Variants in ASTN2 observed in about 807,000 individuals in gnomAD.
The protein encoded by ASTN2 is astrotactin-2.
A neutral mutation model predicts 139.8 loss-of-function variants in ASTN2; 54 were observed. That is an observed-to-expected ratio of 0.39 (90% CI 0.31 to 0.48). ASTN2 has a LOEUF of 0.48. ASTN2 is among the 20% of genes least tolerant of loss of function. ASTN2 has a pLI of 0.95. For synonymous variants in ASTN2, 756 were observed against 719.5 expected (o/e 1.05, Z -0.81); for missense variants, 1,565 against 1,725.1 (o/e 0.91, Z 1.64).
chr9:117,080,657 T>C (rs891490589), intron 5 of ASTN2, among the ~76,000 whole-genome samples: 8 of 152,156 alleles, frequency 5.3e-5, no homozygotes, highest in Non-Finnish European at 8.8e-5. Flanking sequence ...TTTACATTGG[T>C]TGAAGAAAAG....
intron 1 of ASTN2, among the ~76,000 whole-genome samples, chr9:117,373,182 G>A (rs1328886142): frequency 6.6e-6 from 1 of 152,176 alleles, no homozygotes; most frequent in Non-Finnish European, 1.5e-5. Context: ...AAAAGTCAGT[G>A]TTAATTATTC....
At chr9:116,748,782 G>A (rs374225655) in intron 13 of ASTN2, among the ~76,000 whole-genome samples, 10 of 152,196 alleles carry the variant, frequency 6.6e-5, no homozygotes, top group African/African-American at 2.4e-4. Flanking sequence ...GGATGTCCAA[G>A]TTTTACGAAG....
At chr9:116,546,966 C>A (rs111337039) in intron 19 of ASTN2, among the ~76,000 whole-genome samples, 2 of 152,160 alleles carry the variant, frequency 1.3e-5, no homozygotes, top group African/African-American at 2.4e-5. Context: ...TCTGCAGGCA[C>A]GCCGGCTGGA....
chr9:117,057,493 T>A lies in ASTN2; in HGVS notation c.1277-17528A>T, dbSNP rs542158408. Among the ~76,000 whole-genome samples, 3 of 152,268 alleles carry A rather than the reference T, an allele frequency of 2.0e-5. No homozygotes were observed. In the East Asian group the frequency reaches 5.8e-4, roughly 29 times the overall value. On this transcript the variant is annotated intron_variant, in intron 5 of 22. Coordinates refer to ENST00000313400, the MANE Select transcript of ASTN2 (RefSeq NM_001365068.1). Reference sequence around the variant, plus strand: ...ATAATAGTAACAACATTAGCACAAATTTATTTGTAAAATGCCCACACCTGA... The same window carrying A: ...ATAATAGTAACAACATTAGCACAAAATTATTTGTAAAATGCCCACACCTGA...
chr9:116,879,068 G>C (rs1833381804), intron 10 of ASTN2, among the ~76,000 whole-genome samples: 1 of 152,024 alleles, frequency 6.6e-6, no homozygotes, highest in Non-Finnish European at 1.5e-5. Flanking sequence ...ACAGTAAATG[G>C]GGCTGTGACC....
chr9:116,909,004 G>A (rs1834241518), intron 10 of ASTN2, among the ~76,000 whole-genome samples: 1 of 152,130 alleles, frequency 6.6e-6, no homozygotes, highest in Non-Finnish European at 1.5e-5. Flanking sequence ...TGGGATGGTG[G>A]TAGGAACTGG....
rs547116647 is a variant in ASTN2 at position 116,681,231 on chromosome 9, C to T, written c.2807-29438G>A. Among the ~76,000 whole-genome samples the T allele has an allele frequency of 3.3e-5, 5 of 152,280 alleles. No individual in the cohort carries two copies. In the East Asian group the frequency reaches 7.7e-4, roughly 24 times the overall value. ...CACAAGCATTCTTATATACCAATAA[C>T]AGACAAACGGAGAGCCAAATCATAA... On this transcript the variant is annotated intron_variant, in intron 16 of 22. Coordinates refer to ENST00000313400, the MANE Select transcript of ASTN2 (RefSeq NM_001365068.1).
At chr9:116,461,626 C>T (rs565846300) in intron 20 of ASTN2, among the ~76,000 whole-genome samples, 5 of 152,084 alleles carry the variant, frequency 3.3e-5, no homozygotes, top group East Asian at 3.9e-4. Context: ...GTTAAGATTT[C>T]GTATGCCTTC....
intron 4 of ASTN2, among the ~76,000 whole-genome samples, chr9:117,125,901 A>G (rs772841708): frequency 3.9e-5 from 6 of 152,142 alleles, no homozygotes; most frequent in Non-Finnish European, 5.9e-5. Context: ...GTAAAATGCA[A>G]ACTAAGTTGT....
At chr9:116,440,907 T>C (rs903464699) in intron 21 of ASTN2, 115 bp from the exon 22 acceptor site, 1 of 1,048,076 alleles carries the variant, frequency 9.5e-7, no homozygotes, top group Non-Finnish European at 1.4e-6. Flanking sequence ...GCATAAGCTC[T>C]GGGAGCAGAC....
chr9:116,834,968 G>A (rs1831940216), intron 11 of ASTN2, among the ~76,000 whole-genome samples: 1 of 152,178 alleles, frequency 6.6e-6, no homozygotes, highest in Admixed American at 6.5e-5. Flanking sequence ...AAGGTCGCTT[G>A]AGCCTAAGAA....
chr9:116,660,202 AC>A (rs1235191434), intron 16 of ASTN2, among the ~76,000 whole-genome samples: 4 of 150,076 alleles, frequency 2.7e-5, no homozygotes, highest in African/African-American at 5.1e-5. Flanking sequence ...ACACACACAC[AC>A]ATTTGGGGAA....
chr9:117,031,676 G>A (rs1373272302), intron 6 of ASTN2, among the ~76,000 whole-genome samples: 1 of 152,112 alleles, frequency 6.6e-6, no homozygotes, highest in Non-Finnish European at 1.5e-5. Context: ...ATTACCCTAG[G>A]GTAAATGAGA....
At chr9:117,098,529 G>A (rs907629845) in intron 4 of ASTN2, among the ~76,000 whole-genome samples, 1 of 152,116 alleles carries the variant, frequency 6.6e-6, no homozygotes, top group African/African-American at 2.4e-5. Flanking sequence ...GTCCCAAAAT[G>A]TGTCATCAGG....
intron 20 of ASTN2, among the ~76,000 whole-genome samples, chr9:116,463,803 T>C (rs954344665): frequency 1.3e-5 from 2 of 152,140 alleles, no homozygotes; most frequent in South Asian, 4.1e-4. Context: ...ATGTTATCTG[T>C]CTGTTTGTTT....
chr9:117,256,785 ATT>A (rs1833698366), intron 2 of ASTN2, among the ~76,000 whole-genome samples: 1 of 152,222 alleles, frequency 6.6e-6, no homozygotes, highest in Non-Finnish European at 1.5e-5. Context: ...CACCTTCTAA[ATT>A]AGTTTTTCAT....
intron 2 of ASTN2, among the ~76,000 whole-genome samples, chr9:117,235,846 CT>C (rs889112960): frequency 5.3e-5 from 8 of 152,166 alleles, no homozygotes; most frequent in Non-Finnish European, 8.8e-5. Flanking sequence ...CACTCATATT[CT>C]TTGCTGGTCC....
rs1482839515 is a variant in ASTN2 at position 117,400,258 on chromosome 9, G to A, written c.442+14239C>T. ...CACTACCTCCAAATTCAACACAGTT[G>A]TGTACTTACCAGACTTGAAAAACCT... On this transcript the variant is annotated intron_variant, in intron 1 of 22. Transcript: ENST00000313400. Among the ~76,000 whole-genome samples the A allele has an allele frequency of 4.6e-5, 7 of 152,356 alleles. No homozygotes were observed. The East Asian group carries it at 1.3e-3, about 29-fold the overall frequency.
intron 20 of ASTN2, among the ~76,000 whole-genome samples, chr9:116,469,425 C>G (rs1848745841): frequency 6.6e-6 from 1 of 151,956 alleles, no homozygotes; most frequent in Non-Finnish European, 1.5e-5. Flanking sequence ...GAATAGAGAA[C>G]TTTTTAGGGC....
Sources: allele counts gnomAD v4.1 joint callset (sites outside exome capture counted in the v4.1 genomes callset), GRCh38; gene constraint gnomAD v4.1.1; transcripts MANE v1.5; gene names NCBI Gene and HGNC (gene_info 2026-07-23, HGNC 2026-07-21).